Variants in ARHGAP18 observed in about 807,000 individuals in gnomAD.
The protein encoded by ARHGAP18 is Rho GTPase activating protein 18, also known as rho GTPase-activating protein 18.
A neutral mutation model predicts 86.2 loss-of-function variants in ARHGAP18; 67 were observed. The ratio of observed to expected loss-of-function variants is 0.78; its 90% CI spans 0.64 to 0.95. The LOEUF is 0.95. Among genes scored for constraint, ARHGAP18 ranks in the 40% least tolerant of loss-of-function variants. ARHGAP18 has a pLI of 0.00. For missense variants in ARHGAP18, 691 were observed against 780.4 expected (o/e 0.89, Z 1.37); for synonymous variants, 283 against 280.4 (o/e 1.01, Z -0.09).
At position 129,578,296 on chromosome 6, in the gene ARHGAP18, A is replaced by G. The variant is rs1788219977; in HGVS notation, c.*217T>C. 9.3e-6 allele frequency: 2 copies of G among 214,804 alleles called. No individual in the cohort carries two copies. Among genetic ancestry groups the G allele is most frequent in the Non-Finnish European group, 9.0e-6 (1 of 110,552 alleles). 13.3% of individuals were successfully genotyped at this position (214,804 alleles called of 1,614,324 possible). On this transcript the variant is annotated 3_prime_UTR_variant, in exon 15 of 15. Coordinates refer to ENST00000368149, the MANE Select transcript of ARHGAP18 (RefSeq NM_033515.3). ...AAACTAATTAAGCCTCTTTACTCTC[A>G]CTCCAGAAATTTTTTTTCTAATAAT... is the stretch of plus-strand genomic sequence containing the variant.
intron 5 of ARHGAP18, among the ~76,000 whole-genome samples, chr6:129,624,374 T>C (rs9402151): frequency 0.24 from 36,568 of 151,236 alleles, 4,691 homozygotes; most frequent in Non-Finnish European, 0.28. Flanking sequence ...ACTAAAAATA[T>C]AAAAAATTAG....
chr6:129,625,149 TTATATAG>T (rs1166682400), intron 5 of ARHGAP18, among the ~76,000 whole-genome samples: 44,942 of 56,110 alleles, frequency 0.8, 19,935 homozygotes, highest in East Asian at 0.96. Flanking sequence ...ATATTATATA[TTATATAG>T]ATATATATTA....
intron 8 of ARHGAP18, among the ~76,000 whole-genome samples, chr6:129,610,530 A>T (rs1373715222): frequency 6.6e-6 from 1 of 152,208 alleles, no homozygotes; most frequent in African/African-American, 2.4e-5. Context: ...TGAATCAGGA[A>T]GGTGGTTGAG....
chr6:129,676,331 AG>A (rs938245185), intron 1 of ARHGAP18, among the ~76,000 whole-genome samples: 1 of 152,116 alleles, frequency 6.6e-6, no homozygotes, highest in Non-Finnish European at 1.5e-5. Context: ...TGAGTTGCAG[AG>A]GGGGGGCAAC....
At chr6:129,701,554 G>T (rs1326391034) in intron 1 of ARHGAP18, among the ~76,000 whole-genome samples, 1 of 152,210 alleles carries the variant, frequency 6.6e-6, no homozygotes, top group Non-Finnish European at 1.5e-5. Flanking sequence ...GGCAGATCGT[G>T]AGGTCAGGAG....
intron 7 of ARHGAP18, among the ~76,000 whole-genome samples, chr6:129,614,191 A>G (rs774462859): frequency 3.9e-5 from 6 of 152,234 alleles, no homozygotes; most frequent in Non-Finnish European, 8.8e-5. Flanking sequence ...ATATAAGCTC[A>G]AAAATTAAAT....
At chr6:129,682,186 C>A (rs939843774) in intron 1 of ARHGAP18, among the ~76,000 whole-genome samples, 3 of 152,156 alleles carry the variant, frequency 2.0e-5, no homozygotes, top group Admixed American at 2.0e-4. Context: ...TACTACCCAC[C>A]CTAACCCCCG....
At chr6:129,709,747 A>T (rs1176482183) in intron 1 of ARHGAP18, among the ~76,000 whole-genome samples, 1 of 152,238 alleles carries the variant, frequency 6.6e-6, no homozygotes, top group East Asian at 1.9e-4. Flanking sequence ...CAGCATGTGC[A>T]AATGCACCTG....
chr6:129,580,892 G>T (rs1307587523), intron 13 of ARHGAP18, among the ~76,000 whole-genome samples: 1 of 151,894 alleles, frequency 6.6e-6, no homozygotes, highest in Non-Finnish European at 1.5e-5. Context: ...AAAAAAAAAA[G>T]AATAAGCCAT....
intron 12 of ARHGAP18, among the ~76,000 whole-genome samples, chr6:129,598,096 A>C (rs982073366): frequency 6.6e-6 from 1 of 152,172 alleles, no homozygotes; most frequent in Non-Finnish European, 1.5e-5. Context: ...GCTACAAAAC[A>C]GACTTAATTC....
chr6:129,581,529 A>T (rs1788288900), intron 13 of ARHGAP18, among the ~76,000 whole-genome samples: 1 of 152,330 alleles, frequency 6.6e-6, no homozygotes, highest in Middle Eastern at 3.4e-3. Context: ...AAAGAAAAAC[A>T]TCTAGTTAGA....
intron 1 of ARHGAP18, among the ~76,000 whole-genome samples, chr6:129,660,927 T>C (rs964787655): frequency 6.8e-6 from 1 of 147,654 alleles, no homozygotes; most frequent in Non-Finnish European, 1.5e-5. Context: ...AGAATCATCA[T>C]AAAGGTCTAC....
chr6:129,687,214 G>T (rs1383684983), intron 1 of ARHGAP18, among the ~76,000 whole-genome samples: 3 of 151,902 alleles, frequency 2.0e-5, no homozygotes, highest in Non-Finnish European at 4.4e-5. Context: ...CAGTTTCTAT[G>T]CACCCCACCT....
chr6:129,594,981 T>C (rs554830480), intron 12 of ARHGAP18, among the ~76,000 whole-genome samples: 7 of 152,194 alleles, frequency 4.6e-5, no homozygotes. Flanking sequence ...TGGTGAAGAG[T>C]CCATGGATTT....
intron 1 of ARHGAP18, among the ~76,000 whole-genome samples, chr6:129,680,308 CA>C (rs1337895203): frequency 1.3e-5 from 2 of 152,154 alleles, no homozygotes; most frequent in African/African-American, 4.8e-5. Flanking sequence ...AGTTCTGCTC[CA>C]AACATATCTG....
chr6:129,660,575 T>C (rs1773929499), intron 1 of ARHGAP18, among the ~76,000 whole-genome samples: 1 of 152,172 alleles, frequency 6.6e-6, no homozygotes, highest in Non-Finnish European at 1.5e-5. Context: ...TTGGAGACCC[T>C]TGCTACCTAA....
At chr6:129,707,986 T>C (rs1478234315) in intron 1 of ARHGAP18, among the ~76,000 whole-genome samples, 1 of 152,056 alleles carries the variant, frequency 6.6e-6, no homozygotes, top group East Asian at 1.9e-4. Flanking sequence ...TCACCATTCT[T>C]AGGTGGTCAC....
intron 1 of ARHGAP18, among the ~76,000 whole-genome samples, chr6:129,698,150 T>G (rs1774649876): frequency 6.6e-6 from 1 of 152,210 alleles, no homozygotes; most frequent in Non-Finnish European, 1.5e-5. Context: ...CCAATTGAGA[T>G]GCACTGCAAA....
intron 1 of ARHGAP18, among the ~76,000 whole-genome samples, chr6:129,679,015 T>G (rs541145315): frequency 3.9e-5 from 6 of 152,194 alleles, no homozygotes; most frequent in Non-Finnish European, 8.8e-5. Context: ...CAATGCTTAT[T>G]TTTTAATGTT....
Sources: allele counts gnomAD v4.1 joint callset (sites outside exome capture counted in the v4.1 genomes callset), GRCh38; gene constraint gnomAD v4.1.1; transcripts MANE v1.5; gene names NCBI Gene and HGNC (gene_info 2026-07-23, HGNC 2026-07-21).